RORA: variants seen among roughly 807,000 people sequenced by gnomAD.
The protein encoded by RORA is nuclear receptor ROR-alpha.
RORA carries 7 observed loss-of-function variants against 69.5 expected under a neutral mutation model. The ratio of observed to expected loss-of-function variants is 0.10; its 90% CI spans 0.06 to 0.19. The LOEUF (loss-of-function observed/expected upper bound fraction) is 0.19. Ranked by LOEUF, RORA falls within the 10% of genes least tolerant of loss-of-function variation. The probability of loss-of-function intolerance (pLI) is 1.00; values close to 1 mark genes in which losing one functional copy is unlikely to be tolerated. For synonymous variants in RORA, 261 were observed against 240.8 expected (o/e 1.08, Z -0.78); for missense variants, 457 against 663.0 (o/e 0.69, Z 3.41).
chr15:60,958,556 C>T lies in RORA; in HGVS notation c.166+270497G>A, dbSNP rs1389090654. On this transcript the variant is annotated intron_variant, in intron 1 of 10. Transcript: ENST00000335670. Reference sequence around the variant, plus strand: ...CAATCTTCCCAACCACTCTGGGAGGCTGGAATTTTATCCCTGTTTTAAAAA... The same window carrying T: ...CAATCTTCCCAACCACTCTGGGAGGTTGGAATTTTATCCCTGTTTTAAAAA... 2.0e-5 allele frequency among the ~76,000 whole-genome samples: 3 copies of T among 152,148 alleles called. No homozygotes were observed. The East Asian group carries it at 5.8e-4, about 29-fold the overall frequency.
At chr15:60,679,814 C>T (rs2070615018) in intron 1 of RORA, among the ~76,000 whole-genome samples, 8 of 151,166 alleles carry the variant, frequency 5.3e-5, no homozygotes, top group Admixed American at 5.3e-4. Context: ...CACACTTGCT[C>T]CCCCCAACAC....
In RORA at chr15:60,490,000, A is replaced by G. The variant is rs143802847; in HGVS notation, c.*7455T>C. Reference sequence around the variant, plus strand: ...TTCCATATAGCCATATTTATAAACAAATTCACCCTATAGATGTCAAATATC... The same window carrying G: ...TTCCATATAGCCATATTTATAAACAGATTCACCCTATAGATGTCAAATATC... On this transcript the variant is annotated 3_prime_UTR_variant, in exon 11 of 11. Transcript: ENST00000335670. 1 of 152,084 alleles carries G rather than the reference A, an allele frequency of 6.6e-6. No homozygotes were observed. The highest frequency in any genetic ancestry group is 1.5e-5 in the Non-Finnish European group (1 of 67,992). 9.4% of individuals were successfully genotyped at this position (152,084 alleles called of 1,614,324 possible).
intron 2 of RORA, among the ~76,000 whole-genome samples, chr15:60,556,097 C>A (rs1433943674): frequency 6.6e-6 from 1 of 151,818 alleles, no homozygotes; most frequent in Admixed American, 6.6e-5. Flanking sequence ...CCTCTACTTT[C>A]CAATGAAGCA....
chr15:60,873,249 CTGTGTGTG>C (rs1327348662), intron 1 of RORA, among the ~76,000 whole-genome samples: 1 of 1,862 alleles, frequency 5.4e-4, no homozygotes, highest in African/African-American at 3.2e-3. Flanking sequence ...GTGTGTGTGT[CTGTGTGTG>C]TGTGTCTGTG....
intron 5 of RORA, among the ~76,000 whole-genome samples, chr15:60,509,480 A>T (rs1244683491): frequency 1.3e-5 from 2 of 152,240 alleles, no homozygotes; most frequent in Non-Finnish European, 2.9e-5. Flanking sequence ...GAATCGGCTC[A>T]GCCATTTCTG....
chr15:61,025,445 C>A (rs1381101638), intron 1 of RORA, among the ~76,000 whole-genome samples: 1 of 152,110 alleles, frequency 6.6e-6, no homozygotes, highest in Non-Finnish European at 1.5e-5. Flanking sequence ...CAGGGCAAAC[C>A]CTGTTATTTT....
At chr15:61,033,796 T>C (rs372520819) in intron 1 of RORA, among the ~76,000 whole-genome samples, 21 of 152,082 alleles carry the variant, frequency 1.4e-4, no homozygotes, top group African/African-American at 3.1e-4. Flanking sequence ...AAGCCAGGCA[T>C]GGTGGTGCAT....
chr15:61,196,001 T>C (rs1428990813), intron 1 of RORA: 1 of 152,234 alleles, frequency 6.6e-6, no homozygotes, highest in Non-Finnish European at 1.5e-5. Context: ...GACAGATATG[T>C]CTATTCCTTT....
At position 61,098,247 on chromosome 15, in the gene RORA, TCCC is replaced by T. The variant is rs1274018845; in HGVS notation, c.166+130803_166+130805del. Among the ~76,000 whole-genome samples the T allele has an allele frequency of 7.0e-5, 9 of 128,204 alleles. No individual in the cohort carries two copies. The South Asian group carries it at 8.8e-4, about 13-fold the overall frequency. 84.1% of individuals were successfully genotyped at this position (128,204 alleles called of 152,430 possible). ...TCCTTCCCTCTCTCCCTTTTCTCCC[TCCC>T]CCCTTTTTTTCTCCCTCCCTTCTTC... On this transcript the variant is annotated intron_variant, in intron 1 of 10. Coordinates refer to ENST00000335670, the MANE Select transcript of RORA (RefSeq NM_134261.3).
intron 1 of RORA, among the ~76,000 whole-genome samples, chr15:61,065,411 G>C (rs2140561957): frequency 6.6e-6 from 1 of 152,142 alleles, no homozygotes; most frequent in Admixed American, 6.5e-5. Flanking sequence ...TACTATAAAT[G>C]CTCATCCCAC....
chr15:61,151,335 G>A (rs920856042), intron 1 of RORA, among the ~76,000 whole-genome samples: 1 of 152,146 alleles, frequency 6.6e-6, no homozygotes, highest in African/African-American at 2.4e-5. Context: ...GACATTAAGC[G>A]CAATGTTGTA....
intron 1 of RORA, among the ~76,000 whole-genome samples, chr15:60,942,737 G>A (rs28378147): frequency 0.015 from 2,219 of 152,252 alleles, 52 homozygotes; most frequent in African/African-American, 0.05. Flanking sequence ...AACAAACACC[G>A]TCTTTAATCT....
intron 2 of RORA, among the ~76,000 whole-genome samples, chr15:60,605,298 AT>A (rs145047751): frequency 0.034 from 5,200 of 151,838 alleles, 116 homozygotes; most frequent in Middle Eastern, 0.068. Context: ...TGGAAACAAG[AT>A]TTTTTTTTCT....
intron 1 of RORA, among the ~76,000 whole-genome samples, chr15:60,914,991 GGT>G (rs1460712614): frequency 3.3e-5 from 5 of 152,138 alleles, no homozygotes; most frequent in Non-Finnish European, 7.3e-5. Context: ...CCTACCAGAT[GGT>G]CATGGTGATC....
chr15:60,900,918 C>T (rs1004318323), intron 1 of RORA, among the ~76,000 whole-genome samples: 16 of 151,940 alleles, frequency 1.1e-4, no homozygotes, highest in African/African-American at 3.9e-4. Flanking sequence ...GGCCTTCCTC[C>T]TAGGTTTTTG....
At chr15:60,698,864 T>C (rs1474960306) in intron 1 of RORA, among the ~76,000 whole-genome samples, 1 of 152,150 alleles carries the variant, frequency 6.6e-6, no homozygotes, top group Non-Finnish European at 1.5e-5. Flanking sequence ...TTGTTTTGTC[T>C]GCATTTTTAA....
intron 1 of RORA, among the ~76,000 whole-genome samples, chr15:60,883,961 T>G (rs2073720962): frequency 1.3e-5 from 2 of 152,178 alleles, no homozygotes; most frequent in African/African-American, 4.8e-5. Flanking sequence ...CTTCCAGCAT[T>G]CTTCTCTGAT....
chr15:60,864,733 T>G (rs1050423648), intron 1 of RORA, among the ~76,000 whole-genome samples: 1 of 152,208 alleles, frequency 6.6e-6, no homozygotes, highest in African/African-American at 2.4e-5. Context: ...TAGATACATA[T>G]GAACTTACAC....
chr15:60,794,598 C>T (rs77324485), intron 1 of RORA, among the ~76,000 whole-genome samples: 4,457 of 152,320 alleles, frequency 0.029, 237 homozygotes, highest in African/African-American at 0.099. Flanking sequence ...CCTCCACTGA[C>T]GTCACCAGCT....
Sources: allele counts gnomAD v4.1 joint callset (sites outside exome capture counted in the v4.1 genomes callset), GRCh38; gene constraint gnomAD v4.1.1; transcripts MANE v1.5; gene names NCBI Gene and HGNC (gene_info 2026-07-23, HGNC 2026-07-21).